SPDYE18: variants seen among roughly 807,000 people sequenced by gnomAD.
SPDYE18 encodes speedy protein E18.
In SPDYE18, 6 loss-of-function variants were observed where a neutral mutation model predicts 44.9. That is an observed-to-expected ratio of 0.13 (90% CI 0.07 to 0.26). The LOEUF (loss-of-function observed/expected upper bound fraction) is 0.26. Ranked by LOEUF, SPDYE18 falls within the 10% of genes least tolerant of loss-of-function variation. The pLI is 1.00. For missense variants in SPDYE18, 121 were observed against 463.2 expected, an observed-to-expected ratio of 0.26 and a Z score of 6.78; for synonymous variants, 35 against 177.1, an observed-to-expected ratio of 0.20 and a Z score of 6.37.
chr7:77,060,505 C>G lies in SPDYE18; in HGVS notation c.8G>C (p.Arg3Thr), dbSNP rs905839201. The change falls in exon 2 of 9, where the codon AGA becomes ACA. Residue 3 changes from arginine to threonine, a missense_variant. Transcript: ENST00000510091. MDRTKTRFRKRGQ... is the reference protein window; with the variant it reads MDTTKTRFRKRGQ... ...CCTCTTACGGAACCTAGTCTTCGTT[C>G]TGTCCATGGCCTTCTTCTGGACACT... 110 of 1,535,088 alleles carry G rather than the reference C, an allele frequency of 7.2e-5. No homozygotes were observed. Among genetic ancestry groups the G allele is most frequent in the Non-Finnish European group, 9.2e-5 (106 of 1,146,794 alleles).
At chr7:77,056,667 C>G (rs1465225441) in intron 4 of SPDYE18, 59 bp from the exon 5 acceptor site, 1 of 1,208,406 alleles carries the variant, frequency 8.3e-7, no homozygotes, top group African/African-American at 1.5e-5. Context: ...GTGGGAGCAG[C>G]AGGGCAGCGA....
intron 8 of SPDYE18, among the ~76,000 whole-genome samples, chr7:77,052,250 A>G (rs113005839): frequency 7.3e-4 from 111 of 151,384 alleles, no homozygotes; most frequent in Non-Finnish European, 1.2e-3. Flanking sequence ...ATGTGTTTCT[A>G]ATGTGACAAC....
chr7:77,060,163 C>A (rs3972483), intron 2 of SPDYE18, among the ~76,000 whole-genome samples, 190 bp downstream of exon 2: 33,884 of 148,824 alleles, frequency 0.23, 4,474 homozygotes, highest in East Asian at 0.54. Context: ...CACTTGACTA[C>A]TTTTTATACT....
Position 77,060,415 on chromosome 7 carries a change from T to A in SPDYE18, c.98A>T (p.Gln33Leu). Residue 33 changes from glutamine (Q) to leucine (L), a missense_variant, in exon 2 of 9, where the codon CAG becomes CTG. Coordinates refer to ENST00000510091, the MANE Select transcript of SPDYE18 (RefSeq NM_001394953.1). ...QPHPQNEQSL[Q>L]RSTSGYPLQE... Reference sequence around the variant, plus strand: ...GAGGGGGTACCCCGAGGTGCTCCGCTGGAGACTCTGCTCATTCTGGGGGTG... The same window carrying A: ...GAGGGGGTACCCCGAGGTGCTCCGCAGGAGACTCTGCTCATTCTGGGGGTG... 6.5e-7 allele frequency: 1 copy of A among 1,535,564 alleles called. No individual in the cohort carries two copies. The highest frequency in any genetic ancestry group is 8.7e-7 in the Non-Finnish European group (1 of 1,146,894).
At chr7:77,060,159 A>G (rs1181083128) in intron 2 of SPDYE18, among the ~76,000 whole-genome samples, 194 bp downstream of exon 2, 8 of 146,096 alleles carry the variant, frequency 5.5e-5, no homozygotes, top group African/African-American at 2.1e-4. Flanking sequence ...CTACCACTTG[A>G]CTACTTTTTA....
rs1354623030 is a variant in SPDYE18 at position 77,060,483 on chromosome 7, C to A, written c.30G>T (p.Lys10Asn). The A allele has an allele frequency of 9.8e-6, 15 of 1,535,264 alleles. No individual in the cohort carries two copies. The highest frequency in any genetic ancestry group is 3.9e-5 in the Admixed American group (2 of 50,974). The change falls in exon 2 of 9, where the codon AAG becomes AAT. Residue 10 changes from lysine (K) to asparagine (N), a missense_variant. Coordinates refer to ENST00000510091, the MANE Select transcript of SPDYE18 (RefSeq NM_001394953.1). The part of the protein sequence containing the change: MDRTKTRFR[K>N]RGQITGKITT... ...TGATCTTTCCCGTAATCTGTCCCCTCTTACGGAACCTAGTCTTCGTTCTGT... is the reference window on the plus strand; with the variant it reads ...TGATCTTTCCCGTAATCTGTCCCCTATTACGGAACCTAGTCTTCGTTCTGT...
intron 3 of SPDYE18, among the ~76,000 whole-genome samples, chr7:77,058,958 C>T (rs975784711): frequency 1.3e-5 from 2 of 151,992 alleles, no homozygotes; most frequent in African/African-American, 4.8e-5. Flanking sequence ...GCACCTAGCC[C>T]GAAACCAAGC....
chr7:77,059,893 G>A lies in SPDYE18; in HGVS notation c.160+460C>T, dbSNP rs1364951816. Among the ~76,000 whole-genome samples, 29 of 149,308 alleles carry A rather than the reference G, an allele frequency of 1.9e-4. 1 individual carries two copies. Among genetic ancestry groups the A allele is most frequent in the African/African-American group, 6.2e-4 (25 of 40,456 alleles). On this transcript the variant is annotated intron_variant, in intron 2 of 8. Coordinates refer to ENST00000510091, the MANE Select transcript of SPDYE18 (RefSeq NM_001394953.1). ...TCAAACTCCTGGCCTCAAGTGATCT[G>A]CCTGTCTTGGCCTCCCAAAGTTCTG... is the stretch of plus-strand genomic sequence containing the variant.
At chr7:77,057,467 A>T (rs1268951568) in intron 4 of SPDYE18, among the ~76,000 whole-genome samples, 170 bp downstream of exon 4, 1 of 150,662 alleles carries the variant, frequency 6.6e-6, no homozygotes, top group African/African-American at 2.5e-5. Flanking sequence ...AGTTGACCTA[A>T]TCCTTTATCA....
chr7:77,054,839 C>T (rs62474224), intron 6 of SPDYE18, among the ~76,000 whole-genome samples: 450 of 150,798 alleles, frequency 3.0e-3, no homozygotes, highest in Middle Eastern at 0.027. Context: ...TCGACCTTAA[C>T]TTACTGCAAC....
chr7:77,053,301 G>A lies in SPDYE18; in HGVS notation c.756-98C>T, dbSNP rs1789849011. On this transcript the variant is annotated intron_variant, in intron 6 of 8. Transcript: ENST00000510091. Reference sequence around the variant, plus strand: ...AGAGGAAGGTAAGGGACTGTCCCTAGCTCAGGACTGGCACCCACCCTGCAG... The same window carrying A: ...AGAGGAAGGTAAGGGACTGTCCCTAACTCAGGACTGGCACCCACCCTGCAG... The A allele has an allele frequency of 2.0e-5, 30 of 1,512,604 alleles. No homozygotes were observed. In the East Asian group the frequency reaches 6.3e-4, roughly 32 times the overall value. The allele number at this position is 1,512,604 out of a possible 1,614,324, so 93.7% of individuals were successfully genotyped here.
rs868071435 is a variant in SPDYE18 at position 77,051,758 on chromosome 7, G to A, written c.*167C>T. 1.4e-3 allele frequency among the ~76,000 whole-genome samples: 205 copies of A among 145,354 alleles called. No homozygotes were observed. The highest frequency in any genetic ancestry group is 4.9e-3 in the African/African-American group (196 of 39,652). On this transcript the variant is annotated 3_prime_UTR_variant, in exon 9 of 9. Coordinates refer to ENST00000510091, the MANE Select transcript of SPDYE18 (RefSeq NM_001394953.1). ...TGATCACTGTATTCAGCTCCATCAAGAATGGTCCAGGTTCTTCTAGATGAT... is the reference window on the plus strand; with the variant it reads ...TGATCACTGTATTCAGCTCCATCAAAAATGGTCCAGGTTCTTCTAGATGAT...
rs915501233 is a variant in SPDYE18, at chr7:77,050,447, G to A, written c.*1478C>T. On this transcript the variant is annotated 3_prime_UTR_variant, in exon 9 of 9. Transcript: ENST00000510091. ...TTTTTATTATGTTTCCACAAGAGACGCACTCTATTGTTCTCTTGAAAACAC... is the reference window on the plus strand; with the variant it reads ...TTTTTATTATGTTTCCACAAGAGACACACTCTATTGTTCTCTTGAAAACAC... Among the ~76,000 whole-genome samples the A allele has an allele frequency of 6.6e-5, 10 of 152,168 alleles. No homozygotes were observed. Among genetic ancestry groups the A allele is most frequent in the African/African-American group, 1.7e-4 (7 of 41,456 alleles).
At chr7:77,052,581 C>T (rs551281872) in intron 8 of SPDYE18, among the ~76,000 whole-genome samples, 152 bp downstream of exon 8, 39 of 152,390 alleles carry the variant, frequency 2.6e-4, no homozygotes, top group Non-Finnish European at 4.1e-4. Context: ...AGTAGAGATG[C>T]GTCCCACATC....
At chr7:77,051,968 A>G (rs1302686602) in intron 8 of SPDYE18, among the ~76,000 whole-genome samples, 89 bp from the exon 9 acceptor site, 1 of 145,346 alleles carries the variant, frequency 6.9e-6, no homozygotes, top group African/African-American at 2.5e-5. Flanking sequence ...TCTAGAGTTC[A>G]GAGCAATTGA....
At chr7:77,054,198 TGAC>T (rs1789873863) in intron 6 of SPDYE18, among the ~76,000 whole-genome samples, 1 of 150,634 alleles carries the variant, frequency 6.6e-6, no homozygotes, top group African/African-American at 2.4e-5. Context: ...TGGGGTGAAC[TGAC>T]TTCAAGGAAT....
rs1186338584 is a variant in SPDYE18 at position 77,051,178 on chromosome 7, TA to T, written c.*746del. Among the ~76,000 whole-genome samples, 3 of 152,090 alleles carry T rather than the reference TA, an allele frequency of 2.0e-5. No homozygotes were observed. Among genetic ancestry groups the T allele is most frequent in the African/African-American group, 7.2e-5 (3 of 41,478 alleles). Reference sequence around the variant, plus strand: ...GAGATTTTTATGGAAGTATCATAGATAAAAAGAGTGCTCGCTTCAGGAGCAC... The same window carrying T: ...GAGATTTTTATGGAAGTATCATAGATAAAAGAGTGCTCGCTTCAGGAGCAC... On this transcript the variant is annotated 3_prime_UTR_variant, in exon 9 of 9. Transcript: ENST00000510091.
At chr7:77,054,986 T>TC (rs1329081274) in intron 6 of SPDYE18, among the ~76,000 whole-genome samples, 2 of 152,228 alleles carry the variant, frequency 1.3e-5, no homozygotes, top group African/African-American at 4.8e-5. Context: ...CAGGCTGGTC[T>TC]CGAACTGCTG....
chr7:77,060,212 G>A, intron 2 of SPDYE18, 141 bp downstream of exon 2: 1 of 1,433,712 alleles, frequency 7.0e-7, no homozygotes. Context: ...GGCCAGGCTG[G>A]CCTTGAACTC....
Sources: gnomAD v4.1 joint callset for allele counts (sites outside exome capture counted in the v4.1 genomes callset) on GRCh38, gnomAD v4.1.1 for gene constraint, MANE v1.5 for transcripts, NCBI Gene and HGNC (gene_info 2026-07-23, HGNC 2026-07-21) for gene names.